The following DCDC1 variants were observed in gnomAD, a reference collection of about 807,000 sequenced individuals.
DCDC1 encodes doublecortin domain containing 1.
A neutral mutation model predicts 178.3 loss-of-function variants in DCDC1; 200 were observed. That is an observed-to-expected ratio of 1.12 (90% confidence interval 1.00 to 1.26). DCDC1 has a LOEUF of 1.26. Among genes scored for constraint, DCDC1 ranks in the 50% most tolerant of loss-of-function variants. DCDC1 has a pLI of 0.00. For synonymous variants in DCDC1, 690 were observed against 604.8 expected, an observed-to-expected ratio of 1.14 and a Z score of -2.07; for missense variants, 1,983 against 1,749.2, an observed-to-expected ratio of 1.13 and a Z score of -2.38.
intron 20 of DCDC1, among the ~76,000 whole-genome samples, chr11:30,960,446 T>C (rs1193368951): frequency 6.6e-6 from 1 of 152,190 alleles, no homozygotes; most frequent in Non-Finnish European, 1.5e-5. Flanking sequence ...TTCTGCTTTA[T>C]AAATGAAAAG....
chr11:30,903,765 A>T, intron 31 of DCDC1, 82 bp from the exon 32 acceptor site: 4 of 1,167,636 alleles, frequency 3.4e-6, no homozygotes, highest in Non-Finnish European at 4.5e-6. Flanking sequence ...CATTCTAAAA[A>T]TCTGAAAAAA....
chr11:31,294,432 A>G (rs1221349044), intron 6 of DCDC1, among the ~76,000 whole-genome samples: 1 of 150,556 alleles, frequency 6.6e-6, no homozygotes, highest in African/African-American at 2.4e-5. Context: ...AAATACAAAA[A>G]ACTAGCCAGG....
At chr11:30,948,462 T>A (rs1261342618) in intron 21 of DCDC1, among the ~76,000 whole-genome samples, 4 of 152,152 alleles carry the variant, frequency 2.6e-5, no homozygotes, top group Non-Finnish European at 5.9e-5. Context: ...GCTCTCCCCA[T>A]CAAGCTACCA....
rs111307453 is a variant in DCDC1 at position 31,361,554 on chromosome 11, T to A, written c.-125+8143A>T. Among the ~76,000 whole-genome samples the A allele has an allele frequency of 8.1e-3, 1,226 of 152,256 alleles. 22 individuals are homozygous for A. The highest frequency in any genetic ancestry group is 0.028 in the African/African-American group (1,174 of 41,540). On this transcript the variant is annotated intron_variant, in intron 1 of 38. Coordinates refer to ENST00000684477, the MANE Select transcript of DCDC1 (RefSeq NM_001387274.1). ...TGGAGTGCAGTGGTGTGATCTCAAC[T>A]CACTGCAACCTCTGCCTCCCAGGTT...
chr11:31,236,580 T>C (rs1976492086), intron 9 of DCDC1, among the ~76,000 whole-genome samples: 3 of 151,874 alleles, frequency 2.0e-5, no homozygotes, highest in Non-Finnish European at 4.4e-5. Context: ...AGCATGACAC[T>C]TAGAAAGAGA....
intron 10 of DCDC1, among the ~76,000 whole-genome samples, chr11:31,134,320 A>T (rs973709808): frequency 8.5e-5 from 13 of 152,212 alleles, no homozygotes; most frequent in Non-Finnish European, 8.8e-5. Flanking sequence ...CATGGGTACC[A>T]TCTACTGTGC....
At chr11:30,934,422 T>G (rs971159012) in intron 21 of DCDC1, among the ~76,000 whole-genome samples, 2 of 152,142 alleles carry the variant, frequency 1.3e-5, no homozygotes, top group African/African-American at 4.8e-5. Context: ...TCCCACAATA[T>G]CACCAGCTTG....
At chr11:31,054,662 A>G (rs980427234) in intron 20 of DCDC1, among the ~76,000 whole-genome samples, 21 of 152,256 alleles carry the variant, frequency 1.4e-4, no homozygotes, top group African/African-American at 4.8e-4. Flanking sequence ...AACAGAATAG[A>G]GAACCCAGAA....
rs142072377 is a variant in DCDC1 at position 30,995,399 on chromosome 11, C to T, written c.2592-42831G>A. 1.7e-3 allele frequency among the ~76,000 whole-genome samples: 264 copies of T among 152,140 alleles called. 2 individuals carry two copies. Among genetic ancestry groups the T allele is most frequent in the African/African-American group, 6.3e-3 (261 of 41,524 alleles). On this transcript the variant is annotated intron_variant, in intron 20 of 38. Transcript: ENST00000684477. ...TCCCAGCAAACTCTTTTGTAGATTT[C>T]GACAAGCTGGTTCTAAAAGTTATAT...
chr11:30,916,054 G>C (rs1945810522), intron 26 of DCDC1, among the ~76,000 whole-genome samples: 1 of 152,050 alleles, frequency 6.6e-6, no homozygotes, highest in African/African-American at 2.4e-5. Flanking sequence ...TGGGGGCAGG[G>C]GCATGTAGAA....
chr11:31,297,723 T>C (rs778743400), intron 6 of DCDC1, among the ~76,000 whole-genome samples: 7 of 152,140 alleles, frequency 4.6e-5, no homozygotes, highest in Admixed American at 1.3e-4. Flanking sequence ...AATTCAAAAA[T>C]TTTCAACTCC....
chr11:31,337,072 G>C (rs1565628733), intron 1 of DCDC1, among the ~76,000 whole-genome samples: 1 of 152,150 alleles, frequency 6.6e-6, no homozygotes, highest in Non-Finnish European at 1.5e-5. Context: ...TATTAATTTG[G>C]ATCTTTGTTA....
chr11:30,942,399 T>C (rs186847655), intron 21 of DCDC1, among the ~76,000 whole-genome samples: 1 of 152,078 alleles, frequency 6.6e-6, no homozygotes, highest in Admixed American at 6.6e-5. Flanking sequence ...GAAGCAAGGG[T>C]TGGGTAGGTG....
rs114082799 is a variant in DCDC1 at position 31,129,192 on chromosome 11, C to T, written c.1315-1553G>A. 7.2e-3 allele frequency among the ~76,000 whole-genome samples: 1,101 copies of T among 152,138 alleles called. 8 individuals carry two copies. The highest frequency in any genetic ancestry group is 0.012 in the Non-Finnish European group (791 of 67,986). ...TGACCTAAATGTATTATCTACTCTA[C>T]TTATTTAGTTCAAGTTTATATGTAT... On this transcript the variant is annotated intron_variant, in intron 10 of 38. Coordinates refer to ENST00000684477, the MANE Select transcript of DCDC1 (RefSeq NM_001387274.1).
At chr11:30,984,970 C>G (rs1292654026) in intron 20 of DCDC1, among the ~76,000 whole-genome samples, 1 of 152,162 alleles carries the variant, frequency 6.6e-6, no homozygotes, top group Non-Finnish European at 1.5e-5. Flanking sequence ...TTCCCAGGGT[C>G]TCAAAGTCCC....
At chr11:31,043,823 C>CTT (rs61372876) in intron 20 of DCDC1, among the ~76,000 whole-genome samples, 1,709 of 142,298 alleles carry the variant, frequency 0.012, 35 homozygotes, top group African/African-American at 0.04. Context: ...TTTTTGTTTT[C>CTT]TTTTTTTTTT....
At chr11:31,151,807 A>G (rs1486864468) in intron 9 of DCDC1, among the ~76,000 whole-genome samples, 4 of 152,214 alleles carry the variant, frequency 2.6e-5, no homozygotes, top group South Asian at 4.1e-4. Context: ...AAGCAGACCT[A>G]TAACTATCTA....
At chr11:30,877,465 C>T (rs1328384175) in intron 38 of DCDC1, among the ~76,000 whole-genome samples, 1 of 152,172 alleles carries the variant, frequency 6.6e-6, no homozygotes, top group Non-Finnish European at 1.5e-5. Flanking sequence ...AAATTCTTCC[C>T]TACCTGTAGG....
At chr11:31,331,840 T>C (rs1950007183) in intron 2 of DCDC1, among the ~76,000 whole-genome samples, 1 of 54,928 alleles carries the variant, frequency 1.8e-5, no homozygotes. Context: ...TAAAATTCTC[T>C]TTTTTTTGTT....
Sources: gnomAD v4.1 joint callset for allele counts (sites outside exome capture counted in the v4.1 genomes callset) on GRCh38, gnomAD v4.1.1 for gene constraint, MANE v1.5 for transcripts, NCBI Gene and HGNC (gene_info 2026-07-23, HGNC 2026-07-21) for gene names.